Variants in KCNN2 observed in about 807,000 individuals in gnomAD.
KCNN2 encodes the protein small conductance calcium-activated potassium channel protein 2.
A neutral mutation model predicts 55.5 loss-of-function variants in KCNN2; 24 were observed. That is an observed-to-expected ratio of 0.43 (90% CI 0.31 to 0.61). KCNN2 has a LOEUF of 0.61. Among genes scored for constraint, KCNN2 ranks in the 20% least tolerant of loss-of-function variants. The pLI is 0.08. For missense variants in KCNN2, 754 were observed against 853.6 expected, an observed-to-expected ratio of 0.88 and a Z score of 1.45; for synonymous variants, 431 against 336.1, an observed-to-expected ratio of 1.28 and a Z score of -3.09.
chr5:114,186,700 A>G (rs1422526349), intron 1 of KCNN2, among the ~76,000 whole-genome samples: 2 of 152,212 alleles, frequency 1.3e-5, no homozygotes, highest in Admixed American at 1.3e-4. Context: ...TGGAAATTAT[A>G]CGTGATAAAA....
intron 7 of KCNN2, among the ~76,000 whole-genome samples, chr5:114,493,776 T>G (rs963226487): frequency 7.2e-5 from 11 of 152,254 alleles, no homozygotes; most frequent in Admixed American, 5.9e-4. Context: ...TATTTGCATG[T>G]AAATCTCATC....
intron 5 of KCNN2, among the ~76,000 whole-genome samples, chr5:114,482,530 A>C (rs1196446600): frequency 6.6e-6 from 1 of 152,218 alleles, no homozygotes; most frequent in Non-Finnish European, 1.5e-5. Flanking sequence ...TACTGGGTAC[A>C]TACCCAAAGG....
intron 2 of KCNN2, among the ~76,000 whole-genome samples, chr5:114,283,256 C>T (rs1755660276): frequency 6.6e-6 from 1 of 152,092 alleles, no homozygotes; most frequent in Non-Finnish European, 1.5e-5. Flanking sequence ...TTTCATCATG[C>T]TTCATTCCAC....
Position 114,434,965 on chromosome 5 carries a change from G to A in KCNN2, c.1638-28084G>A, listed in dbSNP as rs145261576. Among the ~76,000 whole-genome samples, 1,146 of 152,296 alleles carry A rather than the reference G, an allele frequency of 7.5e-3. 3 individuals are homozygous for A. The highest frequency in any genetic ancestry group is 0.02 in the Middle Eastern group (6 of 294). On this transcript the variant is annotated intron_variant, in intron 3 of 7. Transcript: ENST00000673685. ...GGCAAGCTATTGTTAAGAACAAAAT[G>A]TTCTGGGCTTATAAAATGGTTACTT...
chr5:114,185,125 T>C (rs1320888481), intron 1 of KCNN2, among the ~76,000 whole-genome samples: 2 of 152,168 alleles, frequency 1.3e-5, no homozygotes, highest in African/African-American at 4.8e-5. Flanking sequence ...GTCCTCTAGG[T>C]GATTCTGAAG....
At chr5:114,068,908 G>C (rs1750507403) in intron 1 of KCNN2, among the ~76,000 whole-genome samples, 1 of 152,092 alleles carries the variant, frequency 6.6e-6, no homozygotes, top group Non-Finnish European at 1.5e-5. Context: ...CCACCATCCA[G>C]ATTCAACCGA....
intron 1 of KCNN2, among the ~76,000 whole-genome samples, chr5:114,093,355 C>T (rs1003424069): frequency 6.6e-6 from 1 of 152,184 alleles, no homozygotes; most frequent in East Asian, 1.9e-4. Context: ...CAACAAGTCT[C>T]TAGGAAGCTC....
At chr5:114,173,778 T>A (rs948382797) in intron 1 of KCNN2, among the ~76,000 whole-genome samples, 4 of 151,958 alleles carry the variant, frequency 2.6e-5, no homozygotes, top group African/African-American at 9.7e-5. Context: ...AGAATATTTT[T>A]ACTATATTAT....
chr5:114,304,713 T>C (rs1006100503), intron 2 of KCNN2, among the ~76,000 whole-genome samples: 9 of 152,238 alleles, frequency 5.9e-5, no homozygotes, highest in Non-Finnish European at 1.3e-4. Context: ...AGACAGCTTG[T>C]ACCATAACCT....
At chr5:114,116,839 A>G (rs1257238116) in intron 1 of KCNN2, among the ~76,000 whole-genome samples, 2 of 152,086 alleles carry the variant, frequency 1.3e-5, no homozygotes, top group Non-Finnish European at 2.9e-5. Context: ...GAATGATTGG[A>G]TATTAGGGAT....
intron 1 of KCNN2, among the ~76,000 whole-genome samples, chr5:114,095,472 C>T (rs1426489529): frequency 6.6e-6 from 1 of 152,056 alleles, no homozygotes; most frequent in African/African-American, 2.4e-5. Context: ...CAGATTATAA[C>T]CTCATCTCAC....
chr5:114,317,448 T>C (rs1365912787), intron 2 of KCNN2, among the ~76,000 whole-genome samples: 1 of 152,228 alleles, frequency 6.6e-6, no homozygotes, highest in Non-Finnish European at 1.5e-5. Context: ...GCCAATTATA[T>C]TATTCATTGT....
chr5:114,458,968 C>T (rs1357808165), intron 3 of KCNN2, among the ~76,000 whole-genome samples: 1 of 152,216 alleles, frequency 6.6e-6, no homozygotes, highest in Non-Finnish European at 1.5e-5. Flanking sequence ...GGAGCGCAGG[C>T]CAGAGGCCAT....
intron 3 of KCNN2, among the ~76,000 whole-genome samples, chr5:114,459,734 T>G (rs78713788): frequency 0.032 from 4,896 of 152,266 alleles, 86 homozygotes; most frequent in Middle Eastern, 0.037. Context: ...AAAGGATAAT[T>G]TATCATTGAA....
intron 2 of KCNN2, among the ~76,000 whole-genome samples, chr5:114,311,129 C>T (rs866929410): frequency 1.3e-5 from 2 of 151,696 alleles, no homozygotes; most frequent in African/African-American, 2.4e-5. Context: ...GCTGACCTTG[C>T]GTCTCTTTGC....
chr5:114,223,446 T>C (rs1754183331), intron 2 of KCNN2, among the ~76,000 whole-genome samples: 1 of 152,202 alleles, frequency 6.6e-6, no homozygotes, highest in Non-Finnish European at 1.5e-5. Flanking sequence ...AACATTTCAG[T>C]AAAATATATA....
At chr5:114,439,285 CCTTAA>C (rs1760124994) in intron 3 of KCNN2, among the ~76,000 whole-genome samples, 4 of 152,028 alleles carry the variant, frequency 2.6e-5, no homozygotes, top group Admixed American at 1.3e-4. Context: ...TAATTAAGAG[CCTTAA>C]CTTTTTTAGG....
chr5:114,177,364 C>G (rs1042310399), intron 1 of KCNN2, among the ~76,000 whole-genome samples: 1 of 152,076 alleles, frequency 6.6e-6, no homozygotes, highest in African/African-American at 2.4e-5. Context: ...GTCTCGATCT[C>G]CTGACCTCGT....
At chr5:114,183,332 T>G (rs1204825777) in intron 1 of KCNN2, among the ~76,000 whole-genome samples, 5 of 152,136 alleles carry the variant, frequency 3.3e-5, no homozygotes, top group Non-Finnish European at 5.9e-5. Context: ...GGAATAAATT[T>G]GTCATTTTTT....
Sources: gnomAD v4.1 joint callset for allele counts (sites outside exome capture counted in the v4.1 genomes callset) on GRCh38, gnomAD v4.1.1 for gene constraint, MANE v1.5 for transcripts, NCBI Gene and HGNC (gene_info 2026-07-23, HGNC 2026-07-21) for gene names.